Variants in ZNF678 observed in about 807,000 individuals in gnomAD.
ZNF678 encodes the protein hypothetical protein MGC42493.
In ZNF678, 5 loss-of-function variants were observed where a neutral mutation model predicts 3.0. The ratio of observed to expected loss-of-function variants is 1.69; its 90% CI spans 0.88 to 3.56. The LOEUF (loss-of-function observed/expected upper bound fraction) is 3.56. ZNF678 is among the 30% of genes most tolerant of loss of function. ZNF678 has a pLI of 0.00. For synonymous variants in ZNF678, 218 were observed against 199.6 expected (o/e 1.09, Z -0.78); for missense variants, 593 against 605.0 (o/e 0.98, Z 0.21).
intron 1 of ZNF678, among the ~76,000 whole-genome samples, chr1:227,597,491 A>G (rs1339439331): frequency 1.3e-5 from 2 of 152,248 alleles, no homozygotes; most frequent in East Asian, 3.8e-4. Flanking sequence ...ATCTTCAGCT[A>G]TCAAGTTCAA....
chr1:227,565,525 T>C (rs1656654765), intron 1 of ZNF678, among the ~76,000 whole-genome samples: 1 of 115,166 alleles, frequency 8.7e-6, no homozygotes, highest in Non-Finnish European at 2.0e-5. Flanking sequence ...CCCAGCTAAT[T>C]CTTTTTATTT....
In ZNF678 at chr1:227,621,852, C is replaced by A. The variant is rs76889931; in HGVS notation, c.-163-24692C>A. Among the ~76,000 whole-genome samples the A allele has an allele frequency of 3.7e-3, 570 of 152,190 alleles. 5 individuals carry two copies. Among genetic ancestry groups the A allele is most frequent in the African/African-American group, 0.013 (522 of 41,510 alleles). On this transcript the variant is annotated intron_variant, in intron 1 of 3. Coordinates refer to ENST00000343776, the MANE Select transcript of ZNF678 (RefSeq NM_001367909.1). ...AGCTTCTCCCTTTGGAGTTTAGGTA[C>A]CACTGACCACCATCAACATTAATTA...
downstream of ZNF678, among the ~76,000 whole-genome samples, chr1:227,665,052 T>A (rs772300899): frequency 6.6e-6 from 1 of 152,146 alleles, no homozygotes; most frequent in African/African-American, 2.4e-5. Flanking sequence ...ACCTACCCAA[T>A]GGGGATTATA....
In ZNF678 at chr1:227,589,791, C is replaced by T. The variant is rs148565398; in HGVS notation, c.-164+26067C>T. Among the ~76,000 whole-genome samples the T allele has an allele frequency of 2.6e-4, 40 of 151,942 alleles. No individual in the cohort carries two copies. The East Asian group carries it at 4.4e-3, about 17-fold the overall frequency. ...GTCAGGGGTCGATCTTTAACTATCA[C>T]GCCCAGAGCACGGGGCCGGGCTTTC... On this transcript the variant is annotated intron_variant, in intron 1 of 3. Coordinates refer to ENST00000343776, the MANE Select transcript of ZNF678 (RefSeq NM_001367909.1).
intron 1 of ZNF678, among the ~76,000 whole-genome samples, chr1:227,578,945 C>T (rs1558130609): frequency 6.6e-6 from 1 of 152,032 alleles, no homozygotes; most frequent in Non-Finnish European, 1.5e-5. Context: ...TATTTGATTG[C>T]CTTGAGAATT....
In ZNF678 at chr1:227,593,021, A is replaced by G. The variant is rs537615471; in HGVS notation, c.-164+29297A>G. Among the ~76,000 whole-genome samples, 8 of 152,358 alleles carry G rather than the reference A, an allele frequency of 5.3e-5. 1 individual carries two copies. In the South Asian group the frequency reaches 1.0e-3, roughly 20 times the overall value. On this transcript the variant is annotated intron_variant, in intron 1 of 3. Transcript: ENST00000343776. ...TTTTCTCCTTGTCGTGAGAGACACA[A>G]AGTGAACTTAGTGTTGGGAGACGGA...
At chr1:227,595,022 T>G (rs1657525448) in intron 1 of ZNF678, among the ~76,000 whole-genome samples, 1 of 152,246 alleles carries the variant, frequency 6.6e-6, no homozygotes, top group Non-Finnish European at 1.5e-5. Context: ...AAAGCCTCAG[T>G]GCTTTCGGGA....
chr1:227,572,700 A>G (rs1253765232), intron 1 of ZNF678, among the ~76,000 whole-genome samples: 3 of 152,192 alleles, frequency 2.0e-5, no homozygotes, highest in Non-Finnish European at 2.9e-5. Context: ...CGGAGCCCCA[A>G]GTGTGCTGGA....
chr1:227,665,967 G>A (rs1362197759), downstream of ZNF678, among the ~76,000 whole-genome samples: 1 of 152,004 alleles, frequency 6.6e-6, no homozygotes, highest in East Asian at 1.9e-4. Flanking sequence ...TACATTTCAT[G>A]TTTTAATGAT....
chr1:227,649,884 T>G (rs1418300541), intron 2 of ZNF678, among the ~76,000 whole-genome samples: 1 of 152,192 alleles, frequency 6.6e-6, no homozygotes, highest in African/African-American at 2.4e-5. Context: ...ATTGTGTTCC[T>G]TTTGATTTCT....
intron 1 of ZNF678, among the ~76,000 whole-genome samples, chr1:227,574,548 A>G (rs1656940281): frequency 6.6e-6 from 1 of 151,874 alleles, no homozygotes; most frequent in Non-Finnish European, 1.5e-5. Context: ...TTCCTTATAG[A>G]TGCTGGATAT....
In ZNF678 at chr1:227,661,066, G is replaced by A. The variant is rs1659391925; in HGVS notation, c.*5238G>A. 1.3e-5 allele frequency: 2 copies of A among 152,120 alleles called. No individual in the cohort carries two copies. Among genetic ancestry groups the A allele is most frequent in the African/African-American group, 4.8e-5 (2 of 41,412 alleles). 9.4% of individuals were successfully genotyped at this position (152,120 alleles called of 1,614,324 possible). A position where few individuals can be genotyped will look rare whatever the true frequency, so the allele number is the denominator to read the frequency against. On this transcript the variant is annotated 3_prime_UTR_variant, in exon 4 of 4. Transcript: ENST00000343776. ...ATGTTACATTCTCGTGACATATAAT[G>A]TCTACTGCTTATAATGTCTACTGTG...
At chr1:227,673,913 T>G (rs983038093) in intron 5 of ZNF678, among the ~76,000 whole-genome samples, 4 of 152,234 alleles carry the variant, frequency 2.6e-5, no homozygotes, top group African/African-American at 9.6e-5. Flanking sequence ...TATGTTTTAA[T>G]TAAACTTACA....
At chr1:227,595,415 T>C (rs1401329222) in intron 1 of ZNF678, among the ~76,000 whole-genome samples, 1 of 152,174 alleles carries the variant, frequency 6.6e-6, no homozygotes, top group Non-Finnish European at 1.5e-5. Flanking sequence ...TGCCATACCT[T>C]TGAAACAAGG....
At position 227,655,916 on chromosome 1, in the gene ZNF678, A is replaced by C; in HGVS notation, c.*88A>C. 8.1e-7 allele frequency: 1 copy of C among 1,238,220 alleles called. No individual in the cohort carries two copies. Among genetic ancestry groups the C allele is most frequent in the Non-Finnish European group, 1.1e-6 (1 of 892,456 alleles). The allele number at this position is 1,238,220 out of a possible 1,614,324, so 76.7% of individuals were successfully genotyped here. Reference sequence around the variant, plus strand: ...TGACTGTTTAAGGATGTTTCACAAAATGTAAGCTTCAGAGTGCACAACACT... The same window carrying C: ...TGACTGTTTAAGGATGTTTCACAAACTGTAAGCTTCAGAGTGCACAACACT... On this transcript the variant is annotated 3_prime_UTR_variant, in exon 4 of 4. Coordinates refer to ENST00000343776, the MANE Select transcript of ZNF678 (RefSeq NM_001367909.1).
chr1:227,583,455 A>G (rs1657185256), intron 1 of ZNF678, among the ~76,000 whole-genome samples: 1 of 150,456 alleles, frequency 6.6e-6, no homozygotes, highest in Non-Finnish European at 1.5e-5. Flanking sequence ...AGGTTCAAGC[A>G]ATTCTCATAC....
intron 1 of ZNF678, among the ~76,000 whole-genome samples, chr1:227,584,476 C>G (rs976005818): frequency 6.6e-6 from 1 of 152,242 alleles, no homozygotes; most frequent in South Asian, 2.1e-4. Flanking sequence ...TTACCTTGCT[C>G]TATCTCCAGC....
chr1:227,582,381 A>G (rs972764078), intron 1 of ZNF678: 1 of 153,170 alleles, frequency 6.5e-6, no homozygotes, highest in African/African-American at 2.4e-5. Flanking sequence ...TGACATTGTC[A>G]TAGCTGACTG....
chr1:227,678,562 C>G (rs1659719980), downstream of ZNF678, among the ~76,000 whole-genome samples: 1 of 152,190 alleles, frequency 6.6e-6, no homozygotes, highest in South Asian at 2.1e-4. Context: ...ACTCAGCTCT[C>G]CATACACCCC....
Sources: gnomAD v4.1 joint callset for allele counts (sites outside exome capture counted in the v4.1 genomes callset) on GRCh38, gnomAD v4.1.1 for gene constraint, MANE v1.5 for transcripts, NCBI Gene and HGNC (gene_info 2026-07-23, HGNC 2026-07-21) for gene names.